The following PTPRT variants were observed in gnomAD, a reference collection of about 807,000 sequenced individuals.
The protein encoded by PTPRT is receptor-type tyrosine-protein phosphatase T.
PTPRT carries 56 observed loss-of-function variants against 176.8 expected under a neutral mutation model. The observed-to-expected ratio is 0.32, with a 90% CI of 0.26 to 0.40. The LOEUF is 0.40. PTPRT is among the 10% of genes least tolerant of loss of function. The pLI is 1.00. For missense variants in PTPRT, 1,540 were observed against 1,908.2 expected (o/e 0.81, Z 3.60); for synonymous variants, 783 against 739.0 (o/e 1.06, Z -0.96).
chr20:42,135,498 G>A (rs1988328889), intron 18 of PTPRT, among the ~76,000 whole-genome samples: 1 of 152,154 alleles, frequency 6.6e-6, no homozygotes, highest in Non-Finnish European at 1.5e-5. Context: ...TGCCCTCCAG[G>A]TGATTCTGAT....
intron 7 of PTPRT, among the ~76,000 whole-genome samples, chr20:42,486,687 G>A (rs1334588165): frequency 1.3e-5 from 2 of 152,072 alleles, no homozygotes; most frequent in Non-Finnish European, 2.9e-5. Context: ...ATAATCTCCT[G>A]GTGTGGATCA....
chr20:43,007,329 A>C (rs1180576814), intron 1 of PTPRT, among the ~76,000 whole-genome samples: 1 of 152,190 alleles, frequency 6.6e-6, no homozygotes, highest in Non-Finnish European at 1.5e-5. Flanking sequence ...ATTTGATTTT[A>C]ATGGTTCTCA....
At position 43,189,169 on chromosome 20, in the gene PTPRT, A is replaced by G. The variant is rs904072367; in HGVS notation, c.88+477T>C. On this transcript the variant is annotated intron_variant, in intron 1 of 30. Coordinates refer to ENST00000373187, the MANE Select transcript of PTPRT (RefSeq NM_007050.6). The surrounding 1 kb of genome is among the most constrained non-coding windows in gnomAD (Gnocchi z 5.0). ...AGAGCTTCCTGTATCTCCGAGGAAAAAAGAAAAGCCGCCGCCCCGGCAGCC... is the reference window on the plus strand; with the variant it reads ...AGAGCTTCCTGTATCTCCGAGGAAAGAAGAAAAGCCGCCGCCCCGGCAGCC... 2.0e-5 allele frequency among the ~76,000 whole-genome samples: 3 copies of G among 152,038 alleles called. No homozygotes were observed. The highest frequency in any genetic ancestry group is 7.2e-5 in the African/African-American group (3 of 41,404).
intron 16 of PTPRT, among the ~76,000 whole-genome samples, chr20:42,178,603 T>A (rs1990389666): frequency 6.6e-6 from 1 of 152,196 alleles, no homozygotes; most frequent in African/African-American, 2.4e-5. Flanking sequence ...AACAAACATA[T>A]ACGATCTCAG....
rs370505717 is a variant in PTPRT, at chr20:42,161,333, C to A, written c.2682+19G>T. On this transcript the variant is annotated intron_variant, in intron 17 of 30. Coordinates refer to ENST00000373187, the MANE Select transcript of PTPRT (RefSeq NM_007050.6). ...CCTCTGAAACTATCAGGAAGTTTCC[C>A]CACAGGCTGGTCTCTTACCTCGTAT... 1.2e-6 allele frequency: 2 copies of A among 1,613,864 alleles called. No homozygotes were observed. Among genetic ancestry groups the A allele is most frequent in the Non-Finnish European group, 1.7e-6 (2 of 1,179,804 alleles).
At chr20:42,036,934 G>C in the PTPRT span, among the ~76,000 whole-genome samples, 15 of 152,208 alleles carry the variant, frequency 9.9e-5, no homozygotes, top group Non-Finnish European at 1.9e-4. Flanking sequence ...CTCCAAGATT[G>C]AATAACTCAT....
intron 1 of PTPRT, among the ~76,000 whole-genome samples, chr20:43,053,056 T>TA (rs3092133): frequency 0.018 from 2,655 of 146,354 alleles, 40 homozygotes; most frequent in Non-Finnish European, 0.026. Context: ...GCCTCAGACA[T>TA]AAAAAAAAAA....
intron 6 of PTPRT, among the ~76,000 whole-genome samples, chr20:42,691,950 T>C (rs1250719285): frequency 6.6e-6 from 1 of 152,164 alleles, no homozygotes; most frequent in Non-Finnish European, 1.5e-5. Context: ...CAGGCACTGT[T>C]CTAGGTATTT....
intron 14 of PTPRT, among the ~76,000 whole-genome samples, chr20:42,236,747 G>C (rs896674175): frequency 6.6e-6 from 1 of 151,998 alleles, no homozygotes; most frequent in Non-Finnish European, 1.5e-5. Flanking sequence ...TTCAGATAAA[G>C]TCACATCAGA....
chr20:42,809,273 C>T (rs2077660079), intron 2 of PTPRT, among the ~76,000 whole-genome samples: 1 of 152,136 alleles, frequency 6.6e-6, no homozygotes, highest in African/African-American at 2.4e-5. Context: ...GGAGAAAGGG[C>T]TGCCGGAAAC....
intron 7 of PTPRT, among the ~76,000 whole-genome samples, chr20:42,477,377 T>A (rs1164927856): frequency 6.6e-6 from 1 of 151,926 alleles, no homozygotes; most frequent in Non-Finnish European, 1.5e-5. Context: ...TCTTTAAGGG[T>A]AATATATATA....
At chr20:42,895,804 A>G (rs2079285910) in intron 1 of PTPRT, among the ~76,000 whole-genome samples, 1 of 152,214 alleles carries the variant, frequency 6.6e-6, no homozygotes, top group Non-Finnish European at 1.5e-5. Context: ...TGGGCTATAT[A>G]AAAACCAGTG....
downstream of PTPRT, among the ~76,000 whole-genome samples, chr20:42,072,147 T>C (rs1397016186): frequency 6.6e-6 from 1 of 152,160 alleles, no homozygotes; most frequent in Non-Finnish European, 1.5e-5. Flanking sequence ...GCTATTATCA[T>C]GAGGAGCATA....
At chr20:42,919,511 C>A (rs1177565903) in intron 1 of PTPRT, among the ~76,000 whole-genome samples, 1 of 152,184 alleles carries the variant, frequency 6.6e-6, no homozygotes, top group South Asian at 2.1e-4. Context: ...AAGTCCTTAA[C>A]AACTTTTCCA....
chr20:42,846,820 A>AT (rs1220477195), intron 2 of PTPRT, among the ~76,000 whole-genome samples: 1 of 152,012 alleles, frequency 6.6e-6, no homozygotes, highest in African/African-American at 2.4e-5. Context: ...ACAGAGCCTG[A>AT]TTTTTTCCTT....
At chr20:42,379,292 T>G (rs2058678397) in intron 9 of PTPRT, among the ~76,000 whole-genome samples, 1 of 152,226 alleles carries the variant, frequency 6.6e-6, no homozygotes, top group Non-Finnish European at 1.5e-5. Flanking sequence ...TGCAGGAAGA[T>G]TTCCCTGAAT....
intron 25 of PTPRT, 67 bp from the exon 26 acceptor site, chr20:42,102,364 A>C (rs1416695487): frequency 7.8e-6 from 12 of 1,531,012 alleles, no homozygotes; most frequent in Non-Finnish European, 1.1e-5. Context: ...AAGAGACAGT[A>C]ATGTTCCAAC....
chr20:43,080,936 G>A (rs1418933726), intron 1 of PTPRT, among the ~76,000 whole-genome samples: 3 of 152,198 alleles, frequency 2.0e-5, no homozygotes, highest in African/African-American at 7.2e-5. Context: ...GTTGTATACA[G>A]GTGCTTATTT....
At chr20:42,535,325 G>A (rs996529643) in intron 7 of PTPRT, among the ~76,000 whole-genome samples, 2 of 152,114 alleles carry the variant, frequency 1.3e-5, no homozygotes, top group Non-Finnish European at 2.9e-5. Flanking sequence ...AGTACTTGAG[G>A]GTAGAGGGAG....
Sources: gnomAD v4.1 joint callset for allele counts (sites outside exome capture counted in the v4.1 genomes callset) on GRCh38, gnomAD v4.1.1 for gene constraint, Gnocchi (gnomAD v3.1) non-coding constraint, MANE v1.5 for transcripts, NCBI Gene and HGNC (gene_info 2026-07-23, HGNC 2026-07-21) for gene names.